Variants in SUCLG2 observed in about 807,000 individuals in gnomAD.
SUCLG2 encodes succinate--CoA ligase [GDP-forming] subunit beta, mitochondrial.
SUCLG2 carries 42 observed loss-of-function variants against 47.9 expected under a neutral mutation model. That is an observed-to-expected ratio of 0.88 (90% confidence interval 0.69 to 1.14). The LOEUF (loss-of-function observed/expected upper bound fraction) is 1.14, where lower values mean the gene tolerates loss of function less well. SUCLG2 is among the 50% of genes most tolerant of loss of function. The pLI is 0.00. For synonymous variants in SUCLG2, 195 were observed against 197.3 expected (o/e 0.99, Z 0.10); for missense variants, 571 against 525.9 (o/e 1.09, Z -0.84).
intron 2 of SUCLG2, among the ~76,000 whole-genome samples, chr3:67,592,890 G>C (rs145694968): frequency 2.2e-4 from 34 of 152,236 alleles, no homozygotes; most frequent in African/African-American, 8.2e-4. Context: ...ATCCTGATGG[G>C]TTAGGCCTTG....
At position 67,450,100 on chromosome 3, in the gene SUCLG2, G is replaced by C. The variant is rs1275390868; in HGVS notation, c.1062+45698C>G. 3.3e-5 allele frequency among the ~76,000 whole-genome samples: 5 copies of C among 152,062 alleles called. No individual in the cohort carries two copies. In the East Asian group the frequency reaches 9.6e-4, roughly 29 times the overall value. ...TCTGTTGCCCAGGCTGAAGTGCAGTGGCATAATCATAGCTTACTGCAGCCT... is the reference window on the plus strand; with the variant it reads ...TCTGTTGCCCAGGCTGAAGTGCAGTCGCATAATCATAGCTTACTGCAGCCT... On this transcript the variant is annotated intron_variant, in intron 9 of 10. Coordinates refer to ENST00000307227, the MANE Select transcript of SUCLG2 (RefSeq NM_003848.4).
intron 2 of SUCLG2, among the ~76,000 whole-genome samples, chr3:67,602,439 C>T (rs1338955443): frequency 6.6e-6 from 1 of 152,136 alleles, no homozygotes; most frequent in Non-Finnish European, 1.5e-5. Flanking sequence ...CTTCACTCTG[C>T]AGGTCTCCTG....
At chr3:67,549,297 G>C (rs1457184013) in intron 2 of SUCLG2, among the ~76,000 whole-genome samples, 3 of 152,114 alleles carry the variant, frequency 2.0e-5, no homozygotes, top group African/African-American at 7.2e-5. Flanking sequence ...TTAACCAAAA[G>C]CTTTTCTACG....
intron 9 of SUCLG2, among the ~76,000 whole-genome samples, chr3:67,456,907 T>C (rs1011941564): frequency 6.6e-6 from 1 of 151,982 alleles, no homozygotes; most frequent in Non-Finnish European, 1.5e-5. Context: ...AATGTGGACA[T>C]AAACAACTCC....
rs376293116 is a variant in SUCLG2 at position 67,607,070 on chromosome 3, C to T, written c.226+2385G>A. On this transcript the variant is annotated intron_variant, in intron 2 of 10. Coordinates refer to ENST00000307227, the MANE Select transcript of SUCLG2 (RefSeq NM_003848.4). ...GAGTGCTTCTATCCTAAACTCTCAA[C>T]CTGTGCTACTGATACCTGGACAAGA... Among the ~76,000 whole-genome samples, 36 of 152,278 alleles carry T rather than the reference C, an allele frequency of 2.4e-4. No individual in the cohort carries two copies. The South Asian group carries it at 7.5e-3, about 32-fold the overall frequency.
At chr3:67,429,867 T>C (rs191719782) in intron 9 of SUCLG2, among the ~76,000 whole-genome samples, 3 of 152,098 alleles carry the variant, frequency 2.0e-5, no homozygotes, top group African/African-American at 7.2e-5. Flanking sequence ...CATTATATAA[T>C]GGTAAAGGGA....
At chr3:67,594,460 A>G (rs559709263) in intron 2 of SUCLG2, among the ~76,000 whole-genome samples, 41 of 152,282 alleles carry the variant, frequency 2.7e-4, no homozygotes, top group African/African-American at 7.2e-4. Context: ...TGCTTGAAAC[A>G]CTTTCATCCC....
At chr3:67,500,013 G>C (rs1202518522) in intron 7 of SUCLG2, among the ~76,000 whole-genome samples, 1 of 152,170 alleles carries the variant, frequency 6.6e-6, no homozygotes, top group Admixed American at 6.5e-5. Context: ...TTACAGGTGT[G>C]AGCCACTGCA....
intron 2 of SUCLG2, among the ~76,000 whole-genome samples, chr3:67,577,179 G>C (rs1707763566): frequency 6.6e-6 from 1 of 152,126 alleles, no homozygotes; most frequent in African/African-American, 2.4e-5. Context: ...AAGCATGGTG[G>C]CACATGCCAG....
intron 1 of SUCLG2, among the ~76,000 whole-genome samples, chr3:67,618,299 A>G (rs978571049): frequency 6.6e-6 from 1 of 152,176 alleles, no homozygotes; most frequent in African/African-American, 2.4e-5. Flanking sequence ...GCGTGCCTGT[A>G]GTCCCAGCTA....
intron 2 of SUCLG2, among the ~76,000 whole-genome samples, chr3:67,605,093 T>C (rs940544914): frequency 5.3e-5 from 8 of 152,186 alleles, no homozygotes; most frequent in Admixed American, 2.0e-4. Context: ...AAATCTTATA[T>C]AGAACTTTCT....
In SUCLG2 at chr3:67,388,105, T is replaced by A. The variant is rs1245279667; in HGVS notation, c.1184-12246A>T. ...ACAGCCACCAGACTGGTTTGCTGAA[T>A]CTTCAGAAATATTGATAACTTCACA... On this transcript the variant is annotated intron_variant, in intron 10 of 10. Coordinates refer to ENST00000307227, the MANE Select transcript of SUCLG2 (RefSeq NM_003848.4). 2.0e-5 allele frequency among the ~76,000 whole-genome samples: 3 copies of A among 152,208 alleles called. No homozygotes were observed. In the East Asian group the frequency reaches 5.8e-4, roughly 29 times the overall value.
chr3:67,566,568 T>C (rs1285009077), intron 2 of SUCLG2, among the ~76,000 whole-genome samples: 1 of 152,192 alleles, frequency 6.6e-6, no homozygotes, highest in Non-Finnish European at 1.5e-5. Flanking sequence ...CTGAAAATAA[T>C]GCATGCTTTT....
intron 2 of SUCLG2, among the ~76,000 whole-genome samples, chr3:67,534,213 C>T (rs1706475918): frequency 6.6e-6 from 1 of 151,994 alleles, no homozygotes; most frequent in Non-Finnish European, 1.5e-5. Flanking sequence ...AAATCTAAAA[C>T]TTCCCTTTGA....
chr3:67,366,285 C>T lies in SUCLG2; in HGVS notation c.1184-5517G>A, dbSNP rs180716968. ...GACCATCCTGGCTAACACAGTGATA[C>T]CCTATCTCTACTAAACACACTGCAC... On this transcript the variant is annotated intron_variant, in intron 10 of 10. Transcript: ENST00000493112. Among the ~76,000 whole-genome samples the T allele has an allele frequency of 5.0e-3, 765 of 152,162 alleles. 5 individuals are homozygous for T. The highest frequency in any genetic ancestry group is 0.017 in the African/African-American group (725 of 41,506).
chr3:67,549,313 A>G (rs553973128), intron 2 of SUCLG2, among the ~76,000 whole-genome samples: 1 of 152,292 alleles, frequency 6.6e-6, no homozygotes, highest in Non-Finnish European at 1.5e-5. Context: ...CTACGCTATC[A>G]ATGTCACTGT....
Position 67,442,051 on chromosome 3 carries a change from C to A in SUCLG2, c.1063-41200G>T, listed in dbSNP as rs1464325462. Among the ~76,000 whole-genome samples the A allele has an allele frequency of 2.0e-5, 3 of 148,292 alleles. No individual in the cohort carries two copies. In the Admixed American group the frequency reaches 2.0e-4, roughly 10 times the overall value. ...TTTGAGACGAAGTCTCGCTCTGTCG[C>A]CCAGGCTGGAGTGCAGTGGCGGGAT... is the stretch of plus-strand genomic sequence containing the variant. On this transcript the variant is annotated intron_variant, in intron 9 of 10. Transcript: ENST00000307227.
intron 2 of SUCLG2, among the ~76,000 whole-genome samples, chr3:67,549,400 A>T (rs1321663600): frequency 1.3e-5 from 2 of 152,238 alleles, no homozygotes; most frequent in African/African-American, 4.8e-5. Context: ...AAACCACCAG[A>T]AAGTACTTAG....
At chr3:67,436,041 T>C (rs1703611372) in intron 9 of SUCLG2, among the ~76,000 whole-genome samples, 1 of 152,144 alleles carries the variant, frequency 6.6e-6, no homozygotes, top group African/African-American at 2.4e-5. Flanking sequence ...TTTTATTTGG[T>C]TTGAGCAATT....
Sources: allele counts gnomAD v4.1 joint callset (sites outside exome capture counted in the v4.1 genomes callset), GRCh38; gene constraint gnomAD v4.1.1; transcripts MANE v1.5; gene names NCBI Gene and HGNC (gene_info 2026-07-23, HGNC 2026-07-21).